Variants in KHDRBS2 observed in about 807,000 individuals in gnomAD.
KHDRBS2 encodes the protein KH RNA binding domain containing, signal transduction associated 2.
A neutral mutation model predicts 44.3 loss-of-function variants in KHDRBS2; 26 were observed. The ratio of observed to expected loss-of-function variants is 0.59; its 90% confidence interval spans 0.43 to 0.81. The LOEUF is 0.81. Ranked by LOEUF, KHDRBS2 falls within the 40% of genes least tolerant of loss-of-function variation. KHDRBS2 has a pLI of 0.00. For synonymous variants in KHDRBS2, 194 were observed against 151.1 expected (o/e 1.28, Z -2.08); for missense variants, 476 against 433.1 (o/e 1.10, Z -0.88).
At chr6:62,021,710 G>A (rs1782349226) in intron 3 of KHDRBS2, among the ~76,000 whole-genome samples, 1 of 151,496 alleles carries the variant, frequency 6.6e-6, no homozygotes, top group Non-Finnish European at 1.5e-5. Flanking sequence ...AAGATCTTTT[G>A]ATACCCTTTT....
In KHDRBS2 at chr6:61,817,430, A is replaced by G. The variant is rs1789154076; in HGVS notation, c.810+77205T>C. On this transcript the variant is annotated intron_variant, in intron 6 of 8. Transcript: ENST00000281156. ...GGCAATTATAGAAATACTAAGCACT[A>G]TATAAAAATACTCACAGTGTGCTAC... 2.0e-5 allele frequency among the ~76,000 whole-genome samples: 3 copies of G among 152,238 alleles called. No individual in the cohort carries two copies. In the South Asian group the frequency reaches 6.2e-4, roughly 32 times the overall value.
At chr6:61,567,932 AT>A in the KHDRBS2 span, among the ~76,000 whole-genome samples, 214 of 152,008 alleles carry the variant, frequency 1.4e-3, no homozygotes, top group Admixed American at 3.6e-3. Context: ...TCTATTCAGA[AT>A]TTTTTTCCAT....
At chr6:61,673,409 G>C in the KHDRBS2 span, among the ~76,000 whole-genome samples, 1 of 151,654 alleles carries the variant, frequency 6.6e-6, no homozygotes, top group Non-Finnish European at 1.5e-5. Flanking sequence ...ACATAGTGTT[G>C]GAAGTTCTGG....
intron 2 of KHDRBS2, among the ~76,000 whole-genome samples, chr6:62,168,054 G>A (rs1050916179): frequency 3.9e-5 from 6 of 152,102 alleles, no homozygotes; most frequent in Non-Finnish European, 8.8e-5. Flanking sequence ...ACAGAAGGCT[G>A]CCCCTTTTTC....
chr6:61,639,409 T>TA, the KHDRBS2 span, among the ~76,000 whole-genome samples: 1 of 152,060 alleles, frequency 6.6e-6, no homozygotes, highest in Admixed American at 6.6e-5. Context: ...TTTTCCCTCT[T>TA]AAAATCTATA....
At chr6:62,177,451 TGAAACA>T in intron 1 of KHDRBS2, 139 bp from the exon 2 acceptor site, 1 of 634,500 alleles carries the variant, frequency 1.6e-6, no homozygotes, top group Non-Finnish European at 2.6e-6. Flanking sequence ...ATAAAAGGCC[TGAAACA>T]GCATCTCACC....
intron 6 of KHDRBS2, among the ~76,000 whole-genome samples, chr6:61,802,452 G>A (rs1715031): frequency 0.61 from 92,328 of 151,986 alleles, 28,277 homozygotes; most frequent in South Asian, 0.68. Context: ...CATCAGTAGG[G>A]CTGACAATGC....
chr6:61,814,560 C>T (rs761321305), intron 6 of KHDRBS2, among the ~76,000 whole-genome samples: 15 of 152,004 alleles, frequency 9.9e-5, no homozygotes, highest in Non-Finnish European at 1.8e-4. Flanking sequence ...CAGCCGAGAT[C>T]GCACCATGGC....
At chr6:62,281,145 T>C (rs1167246069) in intron 1 of KHDRBS2, among the ~76,000 whole-genome samples, 1 of 146,820 alleles carries the variant, frequency 6.8e-6, no homozygotes, top group Non-Finnish European at 1.5e-5. Context: ...AACATGATAT[T>C]TTTAAAACCC....
the KHDRBS2 span, among the ~76,000 whole-genome samples, chr6:61,551,582 G>A: frequency 2.0e-5 from 3 of 152,068 alleles, no homozygotes; most frequent in Admixed American, 1.3e-4. Flanking sequence ...TTCTGCATAT[G>A]GCTAGCCAGT....
At chr6:61,693,494 G>A (rs1767584717) in intron 8 of KHDRBS2, among the ~76,000 whole-genome samples, 1 of 152,144 alleles carries the variant, frequency 6.6e-6, no homozygotes, top group Admixed American at 6.6e-5. Flanking sequence ...TCTAGAGCAA[G>A]TACTTTAGTT....
chr6:62,154,167 G>A (rs2150107634), intron 2 of KHDRBS2, among the ~76,000 whole-genome samples: 1 of 152,226 alleles, frequency 6.6e-6, no homozygotes, highest in Middle Eastern at 3.4e-3. Flanking sequence ...AGAAGACATT[G>A]GAAAAAGCAA....
chr6:61,935,715 AT>A (rs1282056063), intron 4 of KHDRBS2, among the ~76,000 whole-genome samples: 2 of 152,080 alleles, frequency 1.3e-5, no homozygotes, highest in Non-Finnish European at 2.9e-5. Flanking sequence ...TTGTGAGACA[AT>A]TTAGTGCAAT....
chr6:61,721,658 A>C (rs1772573715), intron 7 of KHDRBS2, among the ~76,000 whole-genome samples: 1 of 124,246 alleles, frequency 8.0e-6, no homozygotes, highest in Non-Finnish European at 1.8e-5. Flanking sequence ...GAAGTTGCTT[A>C]TCAGCTTAAG....
intron 2 of KHDRBS2, among the ~76,000 whole-genome samples, chr6:62,115,453 A>T (rs1805994918): frequency 6.6e-6 from 1 of 152,204 alleles, no homozygotes; most frequent in South Asian, 2.1e-4. Context: ...AGGTCACAAA[A>T]TCAAATAGCA....
At chr6:62,270,759 T>C (rs1277639725) in intron 1 of KHDRBS2, among the ~76,000 whole-genome samples, 1 of 152,238 alleles carries the variant, frequency 6.6e-6, no homozygotes, top group East Asian at 1.9e-4. Flanking sequence ...TATTAATTTC[T>C]GCTATCAGAT....
At chr6:62,268,151 T>G (rs1209637425) in intron 1 of KHDRBS2, among the ~76,000 whole-genome samples, 1 of 152,074 alleles carries the variant, frequency 6.6e-6, no homozygotes, top group East Asian at 1.9e-4. Flanking sequence ...GATTTTCCAC[T>G]GCAACACTAT....
intron 2 of KHDRBS2, among the ~76,000 whole-genome samples, chr6:62,123,963 C>T (rs937471019): frequency 1.3e-5 from 2 of 152,172 alleles, no homozygotes; most frequent in African/African-American, 4.8e-5. Context: ...AGATAAAATC[C>T]TATTACACTG....
intron 4 of KHDRBS2, among the ~76,000 whole-genome samples, chr6:61,904,798 C>A (rs1804662308): frequency 1.3e-5 from 2 of 152,230 alleles, no homozygotes; most frequent in South Asian, 4.1e-4. Flanking sequence ...CCTTCCTTGG[C>A]TCCTTCTTTT....
Sources: allele counts gnomAD v4.1 joint callset (sites outside exome capture counted in the v4.1 genomes callset), GRCh38; gene constraint gnomAD v4.1.1; transcripts MANE v1.5; gene names NCBI Gene and HGNC (gene_info 2026-07-23, HGNC 2026-07-21).